The following EDARADD variants were observed in gnomAD, a reference collection of about 807,000 sequenced individuals.
EDARADD encodes EDAR associated via death domain.
A neutral mutation model predicts 25.6 loss-of-function variants in EDARADD; 20 were observed. The ratio of observed to expected loss-of-function variants is 0.78; its 90% CI spans 0.55 to 1.14. EDARADD has a LOEUF of 1.14. EDARADD is among the 50% of genes most tolerant of loss of function. The probability of loss-of-function intolerance (pLI) is 0.00; values close to 1 mark genes in which losing one functional copy is unlikely to be tolerated. For missense variants in EDARADD, 225 were observed against 270.1 expected (o/e 0.83, Z 1.17); for synonymous variants, 86 against 94.4 (o/e 0.91, Z 0.52).
At chr1:236,412,309 G>A (rs1395930306) in intron 2 of EDARADD, among the ~76,000 whole-genome samples, 2 of 151,986 alleles carry the variant, frequency 1.3e-5, no homozygotes. Flanking sequence ...GGACTTTCAG[G>A]TGCTCCCTTC....
chr1:236,360,065 A>G (rs1667028019), intron 3 of EDARADD, among the ~76,000 whole-genome samples: 2 of 152,230 alleles, frequency 1.3e-5, no homozygotes, highest in East Asian at 1.9e-4. Flanking sequence ...CTGTAATTCC[A>G]CCACTTTGGG....
chr1:236,390,926 T>G (rs1667414377), upstream of EDARADD, among the ~76,000 whole-genome samples: 1 of 100,270 alleles, frequency 1.0e-5, no homozygotes, highest in African/African-American at 2.9e-5. Context: ...TTACCACCTG[T>G]GTGCTCTTGG....
chr1:236,415,526 A>G (rs917906031), intron 3 of EDARADD, among the ~76,000 whole-genome samples: 1 of 151,946 alleles, frequency 6.6e-6, no homozygotes. Flanking sequence ...GCTCACTGCA[A>G]CCTCTGCCTC....
rs71559949 is a variant in EDARADD, at chr1:236,381,801, CTTTTTTTTTTT to C, written c.-5-27401_-5-27391del. Reference sequence around the variant, plus strand: ...CTTTTTTTTTTTCTTCCTGTGGTTGCTTTTTTTTTTTTTTTTTTTTTTTTCAGAGTTGGATG... The same window carrying C: ...CTTTTTTTTTTTCTTCCTGTGGTTGCTTTTTTTTTTTTTCAGAGTTGGATG... On this transcript the variant is annotated intron_variant, in intron 3 of 7. Coordinates refer to the EDARADD transcript ENST00000439430. 1.4e-4 allele frequency among the ~76,000 whole-genome samples: 6 copies of C among 42,078 alleles called. 1 individual carries two copies. The highest frequency in any genetic ancestry group is 8.1e-4 in the East Asian group (1 of 1,238). 27.6% of individuals were successfully genotyped at this position (42,078 alleles called of 152,430 possible). A position where few individuals can be genotyped will look rare whatever the true frequency, so the allele number is the denominator to read the frequency against.
At chr1:236,371,348 T>C (rs1667170005) in intron 3 of EDARADD, among the ~76,000 whole-genome samples, 1 of 152,194 alleles carries the variant, frequency 6.6e-6, no homozygotes, top group Non-Finnish European at 1.5e-5. Context: ...TATTTCAGAT[T>C]TTCTACATAG....
chr1:236,439,230 C>T lies in EDARADD; in HGVS notation c.219+11780C>T, dbSNP rs76324794. On this transcript the variant is annotated intron_variant, in intron 4 of 5. Transcript: ENST00000334232. Reference sequence around the variant, plus strand: ...AATATTCCACTGTCTGTATGTACCACAGTCTATTTATCTATTCACCTACTG... The same window carrying T: ...AATATTCCACTGTCTGTATGTACCATAGTCTATTTATCTATTCACCTACTG... 1.8e-4 allele frequency among the ~76,000 whole-genome samples: 27 copies of T among 152,322 alleles called. No homozygotes were observed. The East Asian group carries it at 4.8e-3, about 27-fold the overall frequency.
chr1:236,390,279 G>A (rs1382755340), upstream of EDARADD, among the ~76,000 whole-genome samples: 1 of 152,156 alleles, frequency 6.6e-6, no homozygotes, highest in Non-Finnish European at 1.5e-5. Context: ...CTCATGGCCG[G>A]GCGTGGTGGC....
At chr1:236,405,319 T>C (rs1481875272) in intron 1 of EDARADD, among the ~76,000 whole-genome samples, 1 of 152,214 alleles carries the variant, frequency 6.6e-6, no homozygotes, top group African/African-American at 2.4e-5. Flanking sequence ...GTCTTCTGTC[T>C]CTATCTTGTT....
At chr1:236,475,478 A>T (rs1490296543) in intron 5 of EDARADD, among the ~76,000 whole-genome samples, 2 of 152,138 alleles carry the variant, frequency 1.3e-5, no homozygotes, top group African/African-American at 2.4e-5. Flanking sequence ...TTGAAAACAC[A>T]CACAGGGCGA....
intron 3 of EDARADD, among the ~76,000 whole-genome samples, chr1:236,424,051 A>C (rs1349441051): frequency 6.6e-6 from 1 of 151,916 alleles, no homozygotes; most frequent in Non-Finnish European, 1.5e-5. Flanking sequence ...GGTTGCAGTG[A>C]GCTGAGATCG....
At chr1:236,355,497 CTTCT>C (rs1284296154) in intron 3 of EDARADD, among the ~76,000 whole-genome samples, 2 of 85,912 alleles carry the variant, frequency 2.3e-5, no homozygotes, top group South Asian at 5.3e-4. Flanking sequence ...TCTGCTTCTT[CTTCT>C]TTTTTTTTTT....
chr1:236,403,032 C>A (rs141440777), intron 1 of EDARADD, among the ~76,000 whole-genome samples: 1 of 150,976 alleles, frequency 6.6e-6, no homozygotes, highest in African/African-American at 2.4e-5. Flanking sequence ...CTTGGCTCAC[C>A]GAAATCTCCG....
intron 4 of EDARADD, among the ~76,000 whole-genome samples, chr1:236,462,944 T>A (rs1199257507): frequency 6.6e-6 from 1 of 152,186 alleles, no homozygotes; most frequent in African/African-American, 2.4e-5. Flanking sequence ...GCCAATTAAA[T>A]AAATGAGAAG....
chr1:236,388,403 A>T (rs1284563005), intron 3 of EDARADD, among the ~76,000 whole-genome samples: 4 of 152,150 alleles, frequency 2.6e-5, no homozygotes, highest in Non-Finnish European at 5.9e-5. Flanking sequence ...TTTTGCAATC[A>T]GTTTTATGTT....
intron 5 of EDARADD, among the ~76,000 whole-genome samples, chr1:236,476,536 T>G (rs992023753): frequency 1.3e-5 from 2 of 151,642 alleles, no homozygotes; most frequent in African/African-American, 4.8e-5. Flanking sequence ...ATTTTTTTTT[T>G]TTGTTTGAGA....
At chr1:236,350,820 C>T (rs650182) in exon 3 of EDARADD, 52,797 of 152,048 alleles carry the variant, frequency 0.35, 9,464 homozygotes, top group African/African-American at 0.44. Context: ...CTGCCCCATA[C>T]CTGGGGTCAA....
chr1:236,459,854 T>C (rs1658991512), intron 4 of EDARADD, among the ~76,000 whole-genome samples: 1 of 152,076 alleles, frequency 6.6e-6, no homozygotes, highest in African/African-American at 2.4e-5. Context: ...CCTTAGGTGA[T>C]CCACCCGCCT....
intron 4 of EDARADD, among the ~76,000 whole-genome samples, chr1:236,436,333 T>A (rs1484018145): frequency 6.6e-6 from 1 of 151,974 alleles, no homozygotes; most frequent in African/African-American, 2.4e-5. Context: ...ATTTTTGCAT[T>A]TTTAGTAGAG....
intron 4 of EDARADD, among the ~76,000 whole-genome samples, chr1:236,446,819 G>A (rs1409987392): frequency 6.6e-6 from 1 of 152,196 alleles, no homozygotes; most frequent in Admixed American, 6.5e-5. Context: ...GTTGCTTAAG[G>A]ACAGAGAGGC....
Sources: gnomAD v4.1 joint callset for allele counts (sites outside exome capture counted in the v4.1 genomes callset) on GRCh38, gnomAD v4.1.1 for gene constraint, MANE v1.5 for transcripts, NCBI Gene and HGNC (gene_info 2026-07-23, HGNC 2026-07-21) for gene names.